GLRA3: variants seen among roughly 807,000 people sequenced by gnomAD.
The protein encoded by GLRA3 is glycine receptor subunit alpha-3.
Under a neutral mutation model 60.4 loss-of-function variants are expected in GLRA3, and 44 were observed. The ratio of observed to expected loss-of-function variants is 0.73; its 90% CI spans 0.57 to 0.94. The LOEUF is 0.94. Ranked by LOEUF, GLRA3 falls within the 40% of genes least tolerant of loss-of-function variation. GLRA3 has a pLI of 0.00. For synonymous variants in GLRA3, 223 were observed against 192.9 expected, an observed-to-expected ratio of 1.16 and a Z score of -1.29; for missense variants, 508 against 564.6, an observed-to-expected ratio of 0.90 and a Z score of 1.02.
rs569077227 is a variant in GLRA3, at chr4:174,695,219, C to T, written c.575-12280G>A. On this transcript the variant is annotated intron_variant, in intron 5 of 9. Coordinates refer to ENST00000274093, the MANE Select transcript of GLRA3 (RefSeq NM_006529.4). ...ATTCCGAAAAATTGAGGAGGAGGGA[C>T]TCCTCCTCAACTTATTATATGAGGC... is the stretch of plus-strand genomic sequence containing the variant. 1.6e-4 allele frequency among the ~76,000 whole-genome samples: 24 copies of T among 152,046 alleles called. No individual in the cohort carries two copies. In the South Asian group the frequency reaches 4.8e-3, roughly 30 times the overall value.
At chr4:174,692,318 G>A (rs929028039) in intron 5 of GLRA3, among the ~76,000 whole-genome samples, 1 of 146,266 alleles carries the variant, frequency 6.8e-6, no homozygotes, top group South Asian at 2.3e-4. Flanking sequence ...AGGGAGGTGG[G>A]GGGGTCAGCC....
intron 2 of GLRA3, among the ~76,000 whole-genome samples, chr4:174,788,112 C>T (rs1283232560): frequency 3.9e-5 from 6 of 151,998 alleles, no homozygotes; most frequent in Non-Finnish European, 7.4e-5. Flanking sequence ...TATTCAAGAA[C>T]ATGTTAAATA....
At chr4:174,693,630 C>T (rs1288734836) in intron 5 of GLRA3, among the ~76,000 whole-genome samples, 2 of 152,134 alleles carry the variant, frequency 1.3e-5, no homozygotes, top group African/African-American at 4.8e-5. Context: ...CTTGGCTATT[C>T]AGGCTCCTCC....
At position 174,640,829 on chromosome 4, in the gene GLRA3, G is replaced by A. The variant is rs867719131; in HGVS notation, c.*2957C>T. ...AATTTTAGAATAAGATGAGCAGTCCGGATGATTCCCTAATATAGCCACTGA... is the reference window on the plus strand; with the variant it reads ...AATTTTAGAATAAGATGAGCAGTCCAGATGATTCCCTAATATAGCCACTGA... On this transcript the variant is annotated 3_prime_UTR_variant, in exon 10 of 10. Coordinates refer to ENST00000274093, the MANE Select transcript of GLRA3 (RefSeq NM_006529.4). 6.6e-6 allele frequency: 1 copy of A among 151,954 alleles called. No individual in the cohort carries two copies. Among genetic ancestry groups the A allele is most frequent in the Non-Finnish European group, 1.5e-5 (1 of 67,936 alleles). The allele number at this position is 151,954 out of a possible 1,614,324, so 9.4% of individuals were successfully genotyped here. A position where few individuals can be genotyped will look rare whatever the true frequency, so the allele number is the denominator to read the frequency against.
At chr4:174,664,344 C>G (rs1442990157) in intron 7 of GLRA3, among the ~76,000 whole-genome samples, 3 of 152,110 alleles carry the variant, frequency 2.0e-5, no homozygotes, top group African/African-American at 7.2e-5. Context: ...CTGACTGTCT[C>G]CCACGCCTCA....
chr4:174,713,943 C>T (rs1338412613), intron 5 of GLRA3, among the ~76,000 whole-genome samples: 1 of 152,174 alleles, frequency 6.6e-6, no homozygotes, highest in East Asian at 1.9e-4. Context: ...ATTTGCTTCT[C>T]ATCCCCTGTT....
chr4:174,760,503 A>T (rs1737895966), intron 3 of GLRA3, among the ~76,000 whole-genome samples: 2 of 151,022 alleles, frequency 1.3e-5, no homozygotes, highest in Non-Finnish European at 3.0e-5. Context: ...TATATATACT[A>T]TATTAGAAGG....
intron 3 of GLRA3, among the ~76,000 whole-genome samples, chr4:174,737,504 T>C (rs1291931380): frequency 3.5e-5 from 5 of 142,282 alleles, no homozygotes; most frequent in Non-Finnish European, 7.7e-5. Context: ...CTAAGGCTTT[T>C]TTTTGTGGTT....
intron 4 of GLRA3, among the ~76,000 whole-genome samples, chr4:174,723,470 C>T (rs1736205801): frequency 6.6e-6 from 1 of 152,016 alleles, no homozygotes; most frequent in South Asian, 2.1e-4. Context: ...TTGACTTTCT[C>T]CAACTCCAAT....
intron 1 of GLRA3, among the ~76,000 whole-genome samples, chr4:174,812,747 T>C (rs1354081691): frequency 6.6e-6 from 1 of 152,188 alleles, no homozygotes; most frequent in Non-Finnish European, 1.5e-5. Flanking sequence ...GTTAACATTA[T>C]TCTTAAGACT....
chr4:174,787,952 C>G (rs1206396469), intron 2 of GLRA3, among the ~76,000 whole-genome samples: 1 of 151,936 alleles, frequency 6.6e-6, no homozygotes, highest in Admixed American at 6.6e-5. Context: ...CTAAGCATTT[C>G]TTTTTTTCTT....
chr4:174,814,002 A>T (rs933211659), intron 1 of GLRA3, among the ~76,000 whole-genome samples: 2 of 152,208 alleles, frequency 1.3e-5, no homozygotes. Flanking sequence ...AGGAATCAGG[A>T]CAAAGGCTTC....
At chr4:174,757,169 G>A (rs1737751228) in intron 3 of GLRA3, among the ~76,000 whole-genome samples, 1 of 152,128 alleles carries the variant, frequency 6.6e-6, no homozygotes, top group Admixed American at 6.5e-5. Context: ...TAGAACTATT[G>A]AATTAAGTTA....
intron 1 of GLRA3, among the ~76,000 whole-genome samples, chr4:174,819,404 T>A (rs188652314): frequency 1.3e-5 from 2 of 152,262 alleles, no homozygotes; most frequent in Admixed American, 6.5e-5. Flanking sequence ...CATGTGGAAA[T>A]ATCTCCATGA....
At position 174,728,674 on chromosome 4, in the gene GLRA3, G is replaced by C; in HGVS notation, c.292C>G (p.Arg98Gly). The C allele has an allele frequency of 6.3e-7, 1 of 1,595,764 alleles. No individual in the cohort carries two copies. ...AGGCGGGGATCATTCCATTTCTGAC[G>C]AAGAAAGATATTCACTCTGTAATCC... is the stretch of plus-strand genomic sequence containing the variant. ...TMDYRVNIFL[R>G]QKWNDPRLAY... Residue 98 changes from arginine to glycine, a missense_variant, in exon 4 of 10, where the codon CGT becomes GGT. Coordinates refer to ENST00000274093, the MANE Select transcript of GLRA3 (RefSeq NM_006529.4).
intron 2 of GLRA3, among the ~76,000 whole-genome samples, chr4:174,775,147 T>C (rs1295635524): frequency 6.6e-6 from 1 of 152,218 alleles, no homozygotes; most frequent in East Asian, 1.9e-4. Flanking sequence ...ATTCAAGAGA[T>C]ACTTCTTGTT....
At chr4:174,758,514 A>G (rs184025996) in intron 3 of GLRA3, among the ~76,000 whole-genome samples, 1 of 152,298 alleles carries the variant, frequency 6.6e-6, no homozygotes, top group African/African-American at 2.4e-5. Flanking sequence ...AATTTTCACA[A>G]TCTAGAGGAT....
intron 2 of GLRA3, among the ~76,000 whole-genome samples, chr4:174,780,577 T>G (rs1359372863): frequency 2.0e-5 from 3 of 148,258 alleles, no homozygotes; most frequent in Non-Finnish European, 4.5e-5. Context: ...CCATCTCACA[T>G]GCAGAGACAC....
chr4:174,721,812 AATATGTGTGTGTAT>A (rs780977499), intron 4 of GLRA3, among the ~76,000 whole-genome samples: 131 of 151,732 alleles, frequency 8.6e-4, no homozygotes, highest in African/African-American at 3.0e-3. Flanking sequence ...TATATGAAAA[AATATGTGTGTGTAT>A]ATATATGTGT....
Sources: allele counts gnomAD v4.1 joint callset (sites outside exome capture counted in the v4.1 genomes callset), GRCh38; gene constraint gnomAD v4.1.1; transcripts MANE v1.5; gene names NCBI Gene and HGNC (gene_info 2026-07-23, HGNC 2026-07-21).